Variants in FAM133A observed in about 807,000 individuals in gnomAD.
The protein encoded by FAM133A is protein FAM133A.
For synonymous variants in FAM133A, 65 were observed against 58.6 expected (o/e 1.11, Z -0.50); for missense variants, 159 against 164.4 (o/e 0.97, Z 0.18).
At chrX:93,680,304 A>G (rs1054286321) in intron 2 of FAM133A, among the ~76,000 whole-genome samples, 4 of 111,520 alleles carry the variant, frequency 3.6e-5, no homozygotes, top group South Asian at 3.8e-4. Flanking sequence ...TCAATACTTT[A>G]CTGTGTATAC....
chrX:93,675,861 A>G (rs1222599288), intron 2 of FAM133A, among the ~76,000 whole-genome samples: 1 of 111,368 alleles, frequency 9.0e-6, no homozygotes, highest in Non-Finnish European at 1.9e-5. Flanking sequence ...CATATGTTAT[A>G]GAAACAATGA....
intron 2 of FAM133A, among the ~76,000 whole-genome samples, chrX:93,678,607 G>A (rs747551387): frequency 3.6e-5 from 4 of 111,457 alleles, no homozygotes; most frequent in Non-Finnish European, 5.7e-5. Flanking sequence ...TATACTTTTA[G>A]GTTTTGCATT....
chrX:93,692,666 G>T (rs991424898), intron 2 of FAM133A, among the ~76,000 whole-genome samples: 1 of 111,009 alleles, frequency 9.0e-6, no homozygotes, highest in African/African-American at 3.3e-5. Flanking sequence ...CTTCCCTAAG[G>T]ATCCTGCAGA....
At chrX:93,706,892 C>T (rs756239468) in intron 3 of FAM133A, among the ~76,000 whole-genome samples, 2 of 111,932 alleles carry the variant, frequency 1.8e-5, no homozygotes, top group South Asian at 7.5e-4. Context: ...AACCTGACTT[C>T]AATCCGTCTG....
At chrX:93,701,905 T>C (rs1926730772) in intron 3 of FAM133A, among the ~76,000 whole-genome samples, 1 of 111,316 alleles carries the variant, frequency 9.0e-6, no homozygotes, top group Admixed American at 9.6e-5. Flanking sequence ...TAGACTATAC[T>C]CTTAGACTTT....
intron 2 of FAM133A, among the ~76,000 whole-genome samples, chrX:93,678,801 A>G (rs1453340239): frequency 1.8e-5 from 2 of 111,779 alleles, no homozygotes; most frequent in African/African-American, 6.5e-5. Flanking sequence ...GGAAGCTCTA[A>G]TCTGTTCCTT....
chrX:93,675,866 C>T (rs953788353), intron 2 of FAM133A, among the ~76,000 whole-genome samples: 3 of 110,769 alleles, frequency 2.7e-5, no homozygotes, highest in African/African-American at 9.8e-5. Context: ...GTTATAGAAA[C>T]AATGATTTAC....
chrX:93,696,692 G>A (rs940055424), intron 2 of FAM133A, among the ~76,000 whole-genome samples: 3 of 111,261 alleles, frequency 2.7e-5, no homozygotes, highest in East Asian at 2.8e-4. Context: ...AGGCCGAGGC[G>A]GGGGGATCTC....
intron 2 of FAM133A, among the ~76,000 whole-genome samples, chrX:93,686,300 T>C (rs2147604049): frequency 9.0e-6 from 1 of 111,001 alleles, no homozygotes; most frequent in East Asian, 2.8e-4. Flanking sequence ...GGTAATTTTA[T>C]ACAACTTAGA....
upstream of FAM133A, among the ~76,000 whole-genome samples, chrX:93,673,816 C>A (rs1924479608): frequency 9.3e-6 from 1 of 107,036 alleles, no homozygotes; most frequent in Admixed American, 1.0e-4. Context: ...CCCTGCCCCC[C>A]AAAAAGTCTA....
intron 3 of FAM133A, among the ~76,000 whole-genome samples, chrX:93,701,700 G>A (rs1286072599): frequency 9.0e-6 from 1 of 111,631 alleles, no homozygotes; most frequent in African/African-American, 3.3e-5. Flanking sequence ...TTCAAAACAA[G>A]TACCTTCTTG....
chrX:93,689,372 A>T lies in FAM133A; in HGVS notation c.-192-9025A>T, dbSNP rs758549023. On this transcript the variant is annotated intron_variant, in intron 2 of 3. Coordinates refer to ENST00000683942, the MANE Select transcript of FAM133A (RefSeq NM_001171109.2). The stretch of plus-strand genomic sequence containing the variant: ...AATCATTTTTTAATTAATTTTAAAA[A>T]TTTTTGGTAAAAGTAATAGTTGATT... 5.5e-3 allele frequency among the ~76,000 whole-genome samples: 618 copies of T among 111,718 alleles called. 3 individuals carry two copies. Among genetic ancestry groups the T allele is most frequent in the African/African-American group, 0.019 (594 of 30,786 alleles).
chrX:93,688,054 G>A (rs988228189), intron 2 of FAM133A, among the ~76,000 whole-genome samples: 1 of 110,760 alleles, frequency 9.0e-6, no homozygotes, highest in Non-Finnish European at 1.9e-5. Context: ...TCTGTTGATG[G>A]ACATTTAGGT....
At chrX:93,679,039 GTTC>G (rs1055293256) in intron 2 of FAM133A, among the ~76,000 whole-genome samples, 14 of 111,397 alleles carry the variant, frequency 1.3e-4, no homozygotes, top group African/African-American at 4.6e-4. Flanking sequence ...AAACATAAAT[GTTC>G]TTCTATTTTG....
At chrX:93,678,129 T>C (rs1924850536) in intron 2 of FAM133A, among the ~76,000 whole-genome samples, 1 of 111,859 alleles carries the variant, frequency 8.9e-6, no homozygotes. Context: ...CTAATGATGT[T>C]GAATACCTTT....
In FAM133A at chrX:93,708,298, A is replaced by G. The variant is rs1359695636; in HGVS notation, c.-103-1019A>G. The stretch of plus-strand genomic sequence containing the variant: ...AGGTGAGTGAAACAAAACAAAAGTA[A>G]GAGACAGAAGTAGGGCAGATCATAT... On this transcript the variant is annotated intron_variant, in intron 3 of 3. Transcript: ENST00000683942. Among the ~76,000 whole-genome samples, 3 of 112,130 alleles carry G rather than the reference A, an allele frequency of 2.7e-5. No homozygotes were observed. In the Admixed American group the frequency reaches 2.8e-4, roughly 11 times the overall value.
At chrX:93,696,452 A>G (rs1320179956) in intron 2 of FAM133A, among the ~76,000 whole-genome samples, 1 of 111,815 alleles carries the variant, frequency 8.9e-6, no homozygotes, top group Admixed American at 9.5e-5. Flanking sequence ...TGGAAGTGCA[A>G]GTTTCCTTTC....
intron 2 of FAM133A, among the ~76,000 whole-genome samples, chrX:93,694,281 A>G (rs1403879317): frequency 9.0e-6 from 1 of 111,228 alleles, no homozygotes; most frequent in African/African-American, 3.3e-5. Context: ...ACAATGAAAA[A>G]CTTCTGCCAT....
chrX:93,709,449 T>C lies in FAM133A; in HGVS notation c.30T>C (p.Tyr10=), dbSNP rs1424740284. 1 of 1,187,334 alleles carries C rather than the reference T, an allele frequency of 8.4e-7. No homozygotes were observed. The highest frequency in any genetic ancestry group is 2.6e-5 in the Admixed American group (1 of 39,153). MGKRDNRVA[Y]MNPIAMARWR... ...GGAAGCGGGATAATCGGGTAGCCTA[T>C]ATGAATCCTATAGCAATGGCCAGAT... Residue 10 remains tyrosine, a synonymous_variant, in exon 4 of 4, where the codon TAT becomes TAC. Transcript: ENST00000683942.
Sources: gnomAD v4.1 joint callset for allele counts (sites outside exome capture counted in the v4.1 genomes callset) on GRCh38, gnomAD v4.1.1 for gene constraint, MANE v1.5 for transcripts, NCBI Gene and HGNC (gene_info 2026-07-23, HGNC 2026-07-21) for gene names.